MAST2: variants seen among roughly 807,000 people sequenced by gnomAD.
MAST2 encodes microtubule associated serine/threonine kinase 2, also known as microtubule-associated serine/threonine-protein kinase 2.
In MAST2, 70 loss-of-function variants were observed where a neutral mutation model predicts 147.4. That is an observed-to-expected ratio of 0.47 (90% CI 0.39 to 0.58). MAST2 has a LOEUF of 0.58. Among genes scored for constraint, MAST2 ranks in the 20% least tolerant of loss-of-function variants. The pLI, the probability that MAST2 is intolerant of heterozygous loss-of-function variation, is 0.00. For missense variants in MAST2, 2,080 were observed against 2,302.3 expected (o/e 0.90, Z 1.98); for synonymous variants, 869 against 896.8 (o/e 0.97, Z 0.55).
intron 4 of MAST2, among the ~76,000 whole-genome samples, chr1:45,904,590 C>G (rs906393600): frequency 4.6e-5 from 7 of 151,984 alleles, no homozygotes; most frequent in African/African-American, 1.7e-4. Context: ...TTAGCCCCCC[C>G]AAGTAGCTGG....
At chr1:45,822,691 G>A (rs1358448479) in intron 1 of MAST2, among the ~76,000 whole-genome samples, 2 of 151,700 alleles carry the variant, frequency 1.3e-5, no homozygotes, top group African/African-American at 4.9e-5. Flanking sequence ...TTAGCTTGAT[G>A]TCTTCCAAGG....
At chr1:45,848,860 A>C (rs1557830625) in intron 3 of MAST2, among the ~76,000 whole-genome samples, 1 of 152,192 alleles carries the variant, frequency 6.6e-6, no homozygotes, top group African/African-American at 2.4e-5. Context: ...AGCTCCTTCA[A>C]CTGATAAACA....
intron 1 of MAST2, among the ~76,000 whole-genome samples, chr1:45,815,690 AC>A (rs1227074626): frequency 6.6e-6 from 1 of 152,216 alleles, no homozygotes. Flanking sequence ...ATATTAAAGA[AC>A]ATTACTTGCT....
intron 5 of MAST2, among the ~76,000 whole-genome samples, chr1:45,979,227 T>C (rs908187553): frequency 2.6e-5 from 4 of 152,172 alleles, no homozygotes; most frequent in Non-Finnish European, 4.4e-5. Flanking sequence ...GCTATATAAT[T>C]ATATTCCTTT....
At chr1:45,926,028 T>G (rs1654306818) in intron 4 of MAST2, among the ~76,000 whole-genome samples, 1 of 152,202 alleles carries the variant, frequency 6.6e-6, no homozygotes, top group African/African-American at 2.4e-5. Context: ...GAAAGCACTA[T>G]TTTCATTTTA....
intron 5 of MAST2, among the ~76,000 whole-genome samples, chr1:45,992,191 T>A (rs900972605): frequency 1.3e-5 from 2 of 152,220 alleles, no homozygotes; most frequent in African/African-American, 4.8e-5. Flanking sequence ...TAGATGTTCT[T>A]GGTCAAGTGA....
At chr1:45,829,374 T>C in intron 2 of MAST2, 65 bp from the exon 3 acceptor site, 1 of 1,436,692 alleles carries the variant, frequency 7.0e-7, no homozygotes, top group Non-Finnish European at 9.6e-7. Context: ...TCACTGTATT[T>C]GTATTTTTTC....
intron 3 of MAST2, among the ~76,000 whole-genome samples, chr1:45,858,840 A>G (rs1291684276): frequency 2.0e-5 from 3 of 152,050 alleles, no homozygotes; most frequent in Non-Finnish European, 4.4e-5. Context: ...ATGGCTAGCC[A>G]GTTTTCCCAG....
intron 5 of MAST2, among the ~76,000 whole-genome samples, chr1:45,983,587 G>A (rs1292530060): frequency 6.6e-6 from 1 of 151,640 alleles, no homozygotes; most frequent in Non-Finnish European, 1.5e-5. Flanking sequence ...ACCTTCCAGG[G>A]CTCAAGCAGT....
intron 3 of MAST2, among the ~76,000 whole-genome samples, chr1:45,867,347 C>G (rs1049544508): frequency 2.0e-5 from 3 of 152,140 alleles, no homozygotes; most frequent in Non-Finnish European, 2.9e-5. Context: ...AATAGATTTC[C>G]TAAAACTTTT....
At chr1:45,861,948 G>T (rs1436827183) in intron 3 of MAST2, among the ~76,000 whole-genome samples, 1 of 152,180 alleles carries the variant, frequency 6.6e-6, no homozygotes, top group African/African-American at 2.4e-5. Flanking sequence ...CATTTGTTCA[G>T]CAGTCCCTGA....
intron 1 of MAST2, among the ~76,000 whole-genome samples, chr1:45,813,657 C>T (rs1644368629): frequency 6.6e-6 from 1 of 152,088 alleles, no homozygotes; most frequent in Admixed American, 6.6e-5. Flanking sequence ...TGCCACCACA[C>T]CTGGCTAATT....
chr1:45,902,205 T>C (rs763294301), intron 4 of MAST2, among the ~76,000 whole-genome samples: 3 of 152,210 alleles, frequency 2.0e-5, no homozygotes, highest in Non-Finnish European at 4.4e-5. Flanking sequence ...GATGTTGGAT[T>C]TTATCAGATG....
chr1:45,938,826 C>G (rs1049145611), intron 4 of MAST2, among the ~76,000 whole-genome samples: 1 of 151,936 alleles, frequency 6.6e-6, no homozygotes, highest in South Asian at 2.1e-4. Context: ...AGCATCTTAT[C>G]TCATTGTTAG....
At chr1:45,939,441 G>C (rs1349347208) in intron 4 of MAST2, among the ~76,000 whole-genome samples, 3 of 150,696 alleles carry the variant, frequency 2.0e-5, no homozygotes, top group Non-Finnish European at 4.4e-5. Context: ...AAATCAGGTG[G>C]TATAATTCCT....
intron 5 of MAST2, among the ~76,000 whole-genome samples, chr1:45,975,379 C>T (rs953223666): frequency 1.3e-5 from 2 of 150,820 alleles, no homozygotes; most frequent in African/African-American, 4.9e-5. Flanking sequence ...TTATAGTTGC[C>T]TGGATACGAT....
At chr1:45,810,815 A>C (rs1644267738) in intron 1 of MAST2, among the ~76,000 whole-genome samples, 1 of 150,366 alleles carries the variant, frequency 6.7e-6, no homozygotes, top group Admixed American at 6.6e-5. Flanking sequence ...CATCTCAAAA[A>C]AAAAAAAAAA....
intron 4 of MAST2, among the ~76,000 whole-genome samples, chr1:45,910,663 A>G (rs1048051150): frequency 5.9e-5 from 9 of 152,344 alleles, no homozygotes; most frequent in African/African-American, 2.2e-4. Flanking sequence ...AAATAAATGG[A>G]TGTTTGACTC....
chr1:45,840,720 A>T (rs1391785539), intron 3 of MAST2, among the ~76,000 whole-genome samples: 1 of 152,206 alleles, frequency 6.6e-6, no homozygotes, highest in African/African-American at 2.4e-5. Flanking sequence ...ACCTAAGAGT[A>T]TACTCTTGTA....
Sources: gnomAD v4.1 joint callset for allele counts (sites outside exome capture counted in the v4.1 genomes callset) on GRCh38, gnomAD v4.1.1 for gene constraint, MANE v1.5 for transcripts, NCBI Gene and HGNC (gene_info 2026-07-23, HGNC 2026-07-21) for gene names.